Variants in CCDC15 observed in about 807,000 individuals in gnomAD.
The protein encoded by CCDC15 is coiled-coil domain containing 15.
In CCDC15, 105 loss-of-function variants were observed where a neutral mutation model predicts 114.5. The observed-to-expected ratio is 0.92, with a 90% CI of 0.78 to 1.08. The LOEUF is 1.08. Ranked by LOEUF, CCDC15 falls within the 50% of genes least tolerant of loss-of-function variation. The pLI, the probability that CCDC15 is intolerant of heterozygous loss-of-function variation, is 0.00. For missense variants in CCDC15, 1,105 were observed against 1,093.6 expected (o/e 1.01, Z -0.15); for synonymous variants, 334 against 377.8 (o/e 0.88, Z 1.34).
intron 4 of CCDC15, among the ~76,000 whole-genome samples, chr11:124,966,680 C>A (rs1036415144): frequency 7.2e-5 from 11 of 152,176 alleles, no homozygotes; most frequent in African/African-American, 2.7e-4. Context: ...TTGGTCCTGT[C>A]ATTATAATGT....
chr11:125,018,936 A>C (rs538920970), intron 13 of CCDC15, among the ~76,000 whole-genome samples: 5 of 151,972 alleles, frequency 3.3e-5, no homozygotes, highest in African/African-American at 9.7e-5. Context: ...CAGGAATTCC[A>C]GGCAAAAGGA....
At chr11:124,955,002 G>T in intron 2 of CCDC15, 93 bp downstream of exon 2, 2 of 1,104,422 alleles carry the variant, frequency 1.8e-6, no homozygotes, top group Non-Finnish European at 2.6e-6. Context: ...TGAACAGTCC[G>T]AGGATGCTGT....
chr11:124,972,519 G>A (rs1166071210), intron 4 of CCDC15, among the ~76,000 whole-genome samples: 1 of 151,968 alleles, frequency 6.6e-6, no homozygotes, highest in Non-Finnish European at 1.5e-5. Context: ...CTATGTTTTT[G>A]TTAAATTGCT....
intron 13 of CCDC15, among the ~76,000 whole-genome samples, chr11:125,018,015 A>G (rs1482909607): frequency 6.6e-6 from 1 of 152,054 alleles, no homozygotes; most frequent in South Asian, 2.1e-4. Flanking sequence ...GCTGAGGTTA[A>G]TTTATTATTG....
intron 13 of CCDC15, among the ~76,000 whole-genome samples, chr11:125,026,826 G>A (rs1948706028): frequency 6.6e-6 from 1 of 151,958 alleles, no homozygotes; most frequent in Non-Finnish European, 1.5e-5. Flanking sequence ...CGAGATTTTG[G>A]TGCACCCGTC....
chr11:124,999,058 CTT>C (rs1422692527), intron 11 of CCDC15, among the ~76,000 whole-genome samples: 1 of 152,008 alleles, frequency 6.6e-6, no homozygotes, highest in East Asian at 1.9e-4. Context: ...CTTATTGACT[CTT>C]TTTGTTGCTT....
intron 13 of CCDC15, among the ~76,000 whole-genome samples, chr11:125,037,665 A>G (rs1485248108): frequency 6.6e-6 from 1 of 152,192 alleles, no homozygotes; most frequent in Non-Finnish European, 1.5e-5. Context: ...TAGCAGTTAT[A>G]GGGTTTACTT....
At chr11:124,976,757 C>T (rs1250388349) in intron 5 of CCDC15, among the ~76,000 whole-genome samples, 6 of 151,954 alleles carry the variant, frequency 3.9e-5, no homozygotes, top group Non-Finnish European at 5.9e-5. Context: ...ATCCAATAGA[C>T]GGGAGGATTA....
In CCDC15 at chr11:124,987,307, C is replaced by T; in HGVS notation, c.1081C>T (p.Gln361Ter). ...TGIQSVKPDTQAVEMKVQVTE... is the reference protein window; with the variant it reads ...TGIQSVKPDT ...AATCCAGAGTGTTAAGCCAGATACCCAGGCTGTTGAAATGAAGGTTCAGGT... is the reference window on the plus strand; with the variant it reads ...AATCCAGAGTGTTAAGCCAGATACCTAGGCTGTTGAAATGAAGGTTCAGGT... The change falls in exon 8 of 16, where the codon CAG (glutamine) becomes TAG (stop). Residue 361 changes from glutamine (Q) to a stop codon, truncating the protein, a stop_gained. Coordinates refer to ENST00000344762, the MANE Select transcript of CCDC15 (RefSeq NM_025004.3). LOFTEE classifies it high-confidence loss of function. 1.2e-6 allele frequency: 2 copies of T among 1,612,448 alleles called. No homozygotes were observed. Among genetic ancestry groups the T allele is most frequent in the African/African-American group, 2.7e-5 (2 of 74,940 alleles).
At position 125,025,011 on chromosome 11, in the gene CCDC15, AAT is replaced by A. The variant is rs1187998491; in HGVS notation, c.2412-13411_2412-13410del. ...ATTCTGTCAAATTCATATATATATG[AAT>A]ATATATATGAATATATATATGAATA... On this transcript the variant is annotated intron_variant, in intron 13 of 15. Coordinates refer to ENST00000344762, the MANE Select transcript of CCDC15 (RefSeq NM_025004.3). 2.1e-4 allele frequency among the ~76,000 whole-genome samples: 29 copies of A among 138,968 alleles called. No individual in the cohort carries two copies. The South Asian group carries it at 2.2e-3, about 11-fold the overall frequency. 91.2% of individuals were successfully genotyped at this position (138,968 alleles called of 152,430 possible). A position where few individuals can be genotyped will look rare whatever the true frequency, so the allele number is the denominator to read the frequency against.
At chr11:125,038,649 T>G (rs1473193458) in intron 14 of CCDC15, 45 bp downstream of exon 14, 1 of 1,405,114 alleles carries the variant, frequency 7.1e-7, no homozygotes, top group Admixed American at 2.8e-5. Flanking sequence ...TAGAAGAGAC[T>G]TGGTAGAACT....
chr11:124,968,953 C>T (rs1418504083), intron 4 of CCDC15, among the ~76,000 whole-genome samples: 1 of 152,128 alleles, frequency 6.6e-6, no homozygotes, highest in Non-Finnish European at 1.5e-5. Flanking sequence ...AGTCAAAAAT[C>T]TTCCTCCCTA....
intron 13 of CCDC15, among the ~76,000 whole-genome samples, chr11:125,035,462 G>T (rs956764653): frequency 4.0e-5 from 6 of 151,428 alleles, no homozygotes; most frequent in African/African-American, 1.2e-4. Context: ...CAGCCTATAT[G>T]TGTCTTTGTA....
chr11:125,007,482 A>G lies in CCDC15; in HGVS notation c.2411+2270A>G, dbSNP rs1948560944. On this transcript the variant is annotated intron_variant, in intron 13 of 15. Coordinates refer to ENST00000344762, the MANE Select transcript of CCDC15 (RefSeq NM_025004.3). ...ACATTTTCTTTGTGTCCCTCTGTTG[A>G]AGACACTTAGGTTGATTCAATATCT... Among the ~76,000 whole-genome samples, 6 of 152,296 alleles carry G rather than the reference A, an allele frequency of 3.9e-5. 1 individual carries two copies. The South Asian group carries it at 1.2e-3, about 32-fold the overall frequency.
At chr11:124,966,942 T>C (rs950053012) in intron 4 of CCDC15, among the ~76,000 whole-genome samples, 1 of 152,238 alleles carries the variant, frequency 6.6e-6, no homozygotes, top group Non-Finnish European at 1.5e-5. Context: ...AAAATTCTTT[T>C]CTATAAGAAT....
chr11:124,995,668 G>A (rs1420704464), intron 11 of CCDC15, among the ~76,000 whole-genome samples: 1 of 152,144 alleles, frequency 6.6e-6, no homozygotes, highest in Non-Finnish European at 1.5e-5. Flanking sequence ...TAATTATGCA[G>A]CAGCATAATT....
intron 4 of CCDC15, among the ~76,000 whole-genome samples, chr11:124,963,469 G>A (rs1005086155): frequency 2.6e-5 from 4 of 152,280 alleles, no homozygotes; most frequent in South Asian, 2.1e-4. Flanking sequence ...CATATCCTTT[G>A]CCCACTTTTT....
chr11:125,012,949 A>T (rs1948604458), intron 13 of CCDC15, among the ~76,000 whole-genome samples: 1 of 152,198 alleles, frequency 6.6e-6, no homozygotes, highest in African/African-American at 2.4e-5. Context: ...TTCACCTCTG[A>T]GCCTCAGTAT....
At chr11:124,959,038 C>T in intron 2 of CCDC15, 77 bp from the exon 3 acceptor site, 1 of 934,716 alleles carries the variant, frequency 1.1e-6, no homozygotes, top group Non-Finnish European at 1.5e-6. Flanking sequence ...CTTATCCTGA[C>T]TGTTTTGTGT....
Sources: allele counts gnomAD v4.1 joint callset (sites outside exome capture counted in the v4.1 genomes callset), GRCh38; gene constraint gnomAD v4.1.1; transcripts MANE v1.5; gene names NCBI Gene and HGNC (gene_info 2026-07-23, HGNC 2026-07-21).